RIMS1: variants seen among roughly 807,000 people sequenced by gnomAD.
The protein encoded by RIMS1 is regulating synaptic membrane exocytosis 1, also known as regulating synaptic membrane exocytosis protein 1.
In RIMS1, 83 loss-of-function variants were observed where a neutral mutation model predicts 214.1. The observed-to-expected ratio is 0.39, with a 90% CI of 0.32 to 0.47. The LOEUF (loss-of-function observed/expected upper bound fraction) is 0.47. Ranked by LOEUF, RIMS1 falls within the 20% of genes least tolerant of loss-of-function variation. The pLI is 0.99. For synonymous variants in RIMS1, 793 were observed against 786.8 expected (o/e 1.01, Z -0.13); for missense variants, 2,050 against 2,161.8 (o/e 0.95, Z 1.03).
At chr6:72,314,278 G>C (rs2095652337) in intron 28 of RIMS1, among the ~76,000 whole-genome samples, 1 of 152,134 alleles carries the variant, frequency 6.6e-6, no homozygotes. Flanking sequence ...AACATATTTT[G>C]TATTAGTTCT....
intron 30 of RIMS1, 118 bp downstream of exon 30, chr6:72,390,854 C>T: frequency 7.7e-7 from 1 of 1,305,636 alleles, no homozygotes; most frequent in Non-Finnish European, 1.1e-6. Flanking sequence ...GAAGTTCAAC[C>T]ATCCATTTTA....
At chr6:72,072,210 A>G (rs544075754) in intron 2 of RIMS1, among the ~76,000 whole-genome samples, 1 of 152,316 alleles carries the variant, frequency 6.6e-6, no homozygotes, top group East Asian at 1.9e-4. Context: ...GTCTCAGAGA[A>G]TAATTTTGTT....
intron 6 of RIMS1, among the ~76,000 whole-genome samples, chr6:72,201,644 T>C (rs1004470249): frequency 6.6e-6 from 1 of 152,214 alleles, no homozygotes; most frequent in Non-Finnish European, 1.5e-5. Context: ...CTTTATTATA[T>C]GCAGATGGAA....
At position 71,886,893 on chromosome 6, in the gene RIMS1, C is replaced by T; in HGVS notation, c.-131C>T. On this transcript the variant is annotated 5_prime_UTR_variant, in exon 1 of 34. Transcript: ENST00000521978. Reference sequence around the variant, plus strand: ...CTGCTGCTGCTGCTGCTGCCGCCGCCGCCGCTGCTCCTCCTCCTGCCGCCG... The same window carrying T: ...CTGCTGCTGCTGCTGCTGCCGCCGCTGCCGCTGCTCCTCCTCCTGCCGCCG... 4 of 1,006,810 alleles carry T rather than the reference C, an allele frequency of 4.0e-6. No homozygotes were observed. Among genetic ancestry groups the T allele is most frequent in the South Asian group, 1.6e-5 (1 of 64,220 alleles). 62.4% of individuals were successfully genotyped at this position (1,006,810 alleles called of 1,614,324 possible).
intron 30 of RIMS1, among the ~76,000 whole-genome samples, chr6:72,391,553 A>G (rs1312339533): frequency 6.6e-6 from 1 of 152,098 alleles, no homozygotes; most frequent in Non-Finnish European, 1.5e-5. Context: ...CATTCACATT[A>G]CTCATATACC....
intron 1 of RIMS1, among the ~76,000 whole-genome samples, chr6:71,900,650 A>G (rs1773322928): frequency 6.6e-6 from 1 of 152,070 alleles, no homozygotes; most frequent in Non-Finnish European, 1.5e-5. Flanking sequence ...AATTGATTGA[A>G]TATGGGTTGA....
chr6:71,952,403 G>T (rs1329480961), intron 1 of RIMS1, among the ~76,000 whole-genome samples: 1 of 152,208 alleles, frequency 6.6e-6, no homozygotes, highest in African/African-American at 2.4e-5. Context: ...TAGAGATATA[G>T]TAATGAATAA....
At chr6:71,987,197 G>T (rs1379148461) in intron 2 of RIMS1, among the ~76,000 whole-genome samples, 1 of 152,046 alleles carries the variant, frequency 6.6e-6, no homozygotes, top group African/African-American at 2.4e-5. Context: ...ATAAACCTAG[G>T]GGCTTCTGTA....
At chr6:71,890,597 A>AACC (rs1769472587) in intron 1 of RIMS1, among the ~76,000 whole-genome samples, 1 of 60,516 alleles carries the variant, frequency 1.7e-5, no homozygotes, top group African/African-American at 1.1e-4. Context: ...AAAAAAAAAA[A>AACC]CTTCATAGAG....
In RIMS1 at chr6:72,022,904, A is replaced by G. The variant is rs1010036925; in HGVS notation, c.245+53841A>G. ...AGGCTTTATTCATAATGTATTCTTA[A>G]TGTAATATGAATATTGAAAGATGAT... On this transcript the variant is annotated intron_variant, in intron 2 of 33. Transcript: ENST00000521978. Among the ~76,000 whole-genome samples the G allele has an allele frequency of 3.3e-5, 5 of 152,186 alleles. No homozygotes were observed. The East Asian group carries it at 9.6e-4, about 29-fold the overall frequency.
chr6:72,064,351 G>GGGAA (rs1219830831), intron 2 of RIMS1, among the ~76,000 whole-genome samples: 13 of 151,092 alleles, frequency 8.6e-5, no homozygotes, highest in African/African-American at 2.9e-4. Context: ...GAGAGAGAGA[G>GGGAA]GGAAGGAAGG....
intron 8 of RIMS1, 147 bp from the exon 9 acceptor site, chr6:72,237,674 TCA>T: frequency 1.7e-6 from 1 of 602,318 alleles, no homozygotes; most frequent in Non-Finnish European, 2.9e-6. Flanking sequence ...AGATCCCATC[TCA>T]AAAAAAAAAA....
chr6:72,267,996 T>C (rs1292198102), intron 22 of RIMS1, among the ~76,000 whole-genome samples: 1 of 152,152 alleles, frequency 6.6e-6, no homozygotes, highest in African/African-American at 2.4e-5. Flanking sequence ...ATCCTAAGTT[T>C]ATTGGGATCA....
At chr6:72,381,187 G>A (rs1489115444) in intron 29 of RIMS1, among the ~76,000 whole-genome samples, 1 of 152,110 alleles carries the variant, frequency 6.6e-6, no homozygotes, top group Non-Finnish European at 1.5e-5. Flanking sequence ...TCTTCCTAGG[G>A]TGGTCCCTCT....
chr6:72,317,156 G>T, intron 28 of RIMS1: 1 of 345,836 alleles, frequency 2.9e-6, no homozygotes, highest in Non-Finnish European at 5.6e-6. Context: ...CCCGACCAGG[G>T]TGCCCCCTCC....
intron 1 of RIMS1, among the ~76,000 whole-genome samples, chr6:71,901,423 A>G (rs1262993886): frequency 6.6e-6 from 1 of 152,180 alleles, no homozygotes; most frequent in Non-Finnish European, 1.5e-5. Flanking sequence ...AAAATTCACT[A>G]TTCCACAATA....
chr6:72,079,265 G>C (rs1832691157), intron 2 of RIMS1, among the ~76,000 whole-genome samples: 1 of 152,176 alleles, frequency 6.6e-6, no homozygotes, highest in African/African-American at 2.4e-5. Context: ...AATATTAATA[G>C]CACATATAAA....
Position 72,190,405 on chromosome 6 carries a change from G to A in RIMS1, c.1678+7256G>A, listed in dbSNP as rs58647966. 2.9e-3 allele frequency among the ~76,000 whole-genome samples: 435 copies of A among 150,186 alleles called. 1 individual carries two copies. The highest frequency in any genetic ancestry group is 0.01 in the African/African-American group (414 of 40,938). ...TTGAACCCGGGAGGCAGAGGTTGCC[G>A]TGAGCTGAGATCGCGCCATTGCACT... is the stretch of plus-strand genomic sequence containing the variant. On this transcript the variant is annotated intron_variant, in intron 6 of 33. Transcript: ENST00000521978.
At chr6:72,318,846 G>T (rs2095982030) in intron 28 of RIMS1, among the ~76,000 whole-genome samples, 1 of 152,044 alleles carries the variant, frequency 6.6e-6, no homozygotes, top group African/African-American at 2.4e-5. Context: ...TTGGTTTTTG[G>T]CTAAGGACAT....
Sources: gnomAD v4.1 joint callset for allele counts (sites outside exome capture counted in the v4.1 genomes callset) on GRCh38, gnomAD v4.1.1 for gene constraint, MANE v1.5 for transcripts, NCBI Gene and HGNC (gene_info 2026-07-23, HGNC 2026-07-21) for gene names.